The following TSHZ2 variants were observed in gnomAD, a reference collection of about 807,000 sequenced individuals.
The protein encoded by TSHZ2 is teashirt homolog 2.
A neutral mutation model predicts 74.4 loss-of-function variants in TSHZ2; 21 were observed. That is an observed-to-expected ratio of 0.28 (90% CI 0.20 to 0.41). TSHZ2 has a LOEUF of 0.41. Ranked by LOEUF, TSHZ2 falls within the 10% of genes least tolerant of loss-of-function variation. The probability of loss-of-function intolerance (pLI) is 1.00; values close to 1 mark genes in which losing one functional copy is unlikely to be tolerated. For missense variants in TSHZ2, 1,244 were observed against 1,293.5 expected (o/e 0.96, Z 0.59); for synonymous variants, 540 against 515.3 (o/e 1.05, Z -0.65).
intron 2 of TSHZ2, among the ~76,000 whole-genome samples, chr20:53,469,661 G>C (rs1414805980): frequency 1.6e-4 from 9 of 57,136 alleles, no homozygotes; most frequent in South Asian, 5.4e-4. Context: ...AGGAAGGAAG[G>C]AAGGAAGGAA....
chr20:53,250,849 AAAG>A (rs980188512), intron 1 of TSHZ2, among the ~76,000 whole-genome samples: 12 of 151,986 alleles, frequency 7.9e-5, no homozygotes, highest in Non-Finnish European at 2.9e-5. Context: ...AAAAAAAAAA[AAAG>A]AACACTTCTT....
Position 53,071,852 on chromosome 20 carries a change from T to C in TSHZ2, c.40+98519T>C, listed in dbSNP as rs575020635. ...ATAAAAATCTCTTTTGCTTGTTTTA[T>C]TGGAGACACTGAGGGCTTTGGATTG... On this transcript the variant is annotated intron_variant, in intron 1 of 2. Coordinates refer to ENST00000371497, the MANE Select transcript of TSHZ2 (RefSeq NM_173485.6). Among the ~76,000 whole-genome samples the C allele has an allele frequency of 3.3e-5, 5 of 152,352 alleles. No individual in the cohort carries two copies. The East Asian group carries it at 7.7e-4, about 23-fold the overall frequency.
At chr20:53,224,868 AAAG>A (rs1167204072) in intron 1 of TSHZ2, among the ~76,000 whole-genome samples, 1 of 152,046 alleles carries the variant, frequency 6.6e-6, no homozygotes, top group Admixed American at 6.6e-5. Flanking sequence ...AAAAAAAAAA[AAAG>A]AACTTAATAA....
At chr20:53,418,665 G>A (rs555898697) in intron 2 of TSHZ2, among the ~76,000 whole-genome samples, 13 of 152,122 alleles carry the variant, frequency 8.5e-5, no homozygotes, top group Non-Finnish European at 1.6e-4. Flanking sequence ...ACAACATGTA[G>A]GAATTCAAGA....
chr20:53,028,330 C>G (rs1432703894), intron 1 of TSHZ2, among the ~76,000 whole-genome samples: 1 of 152,242 alleles, frequency 6.6e-6, no homozygotes, highest in Non-Finnish European at 1.5e-5. Flanking sequence ...CTCCTTCAAG[C>G]ATCACATCCC....
At chr20:53,033,567 G>C (rs6022234) in intron 1 of TSHZ2, among the ~76,000 whole-genome samples, 92,116 of 151,232 alleles carry the variant, frequency 0.61, 28,526 homozygotes, top group East Asian at 0.85. Context: ...TAGGTCAGTG[G>C]CTGGCACATA....
chr20:53,050,283 G>A (rs1034153161), intron 1 of TSHZ2, among the ~76,000 whole-genome samples: 24 of 150,932 alleles, frequency 1.6e-4, no homozygotes, highest in Admixed American at 2.0e-4. Flanking sequence ...TCTTACTACC[G>A]CTGCCGATTT....
intron 1 of TSHZ2, among the ~76,000 whole-genome samples, chr20:53,211,247 A>T (rs1036275822): frequency 6.6e-6 from 1 of 152,216 alleles, no homozygotes; most frequent in Non-Finnish European, 1.5e-5. Context: ...GTCACTAAAC[A>T]GTTTCCCAAG....
chr20:53,048,761 T>TCC (rs1405350687), intron 1 of TSHZ2, among the ~76,000 whole-genome samples: 1 of 152,188 alleles, frequency 6.6e-6, no homozygotes, highest in Non-Finnish European at 1.5e-5. Flanking sequence ...TTTTCTTTTT[T>TCC]CCCCTTTTGT....
intron 1 of TSHZ2, among the ~76,000 whole-genome samples, chr20:53,011,709 C>CT (rs1171972876): frequency 6.6e-6 from 1 of 152,064 alleles, no homozygotes; most frequent in Non-Finnish European, 1.5e-5. Flanking sequence ...CCATATATTG[C>CT]TTTTATATAA....
intron 1 of TSHZ2, among the ~76,000 whole-genome samples, chr20:52,975,700 C>T (rs1196715074): frequency 2.0e-5 from 3 of 152,050 alleles, no homozygotes; most frequent in Non-Finnish European, 4.4e-5. Context: ...GCCCTCTTAC[C>T]TTATTTATTT....
intron 1 of TSHZ2, among the ~76,000 whole-genome samples, chr20:52,993,706 C>A (rs536344149): frequency 2.0e-5 from 3 of 152,292 alleles, no homozygotes; most frequent in Non-Finnish European, 2.9e-5. Context: ...AAACTTATAA[C>A]CTTCCTTATT....
chr20:53,199,228 T>C (rs1988942643), intron 1 of TSHZ2, among the ~76,000 whole-genome samples: 1 of 152,232 alleles, frequency 6.6e-6, no homozygotes, highest in African/African-American at 2.4e-5. Flanking sequence ...CTGGGAGCAG[T>C]GGCTTGTTCC....
chr20:53,048,810 C>G (rs1457507282), intron 1 of TSHZ2, among the ~76,000 whole-genome samples: 1 of 152,184 alleles, frequency 6.6e-6, no homozygotes, highest in Non-Finnish European at 1.5e-5. Flanking sequence ...TAGCTGCTCA[C>G]TACACACCTC....
intron 1 of TSHZ2, among the ~76,000 whole-genome samples, chr20:53,204,989 G>A (rs562123800): frequency 6.6e-6 from 1 of 151,990 alleles, no homozygotes; most frequent in East Asian, 1.9e-4. Context: ...TACTCAGGAG[G>A]CTGAGGCAGG....
chr20:53,212,385 C>A (rs1989332583), intron 1 of TSHZ2, among the ~76,000 whole-genome samples: 1 of 152,152 alleles, frequency 6.6e-6, no homozygotes, highest in African/African-American at 2.4e-5. Context: ...TAATGAAAAG[C>A]TGTAGCAAAT....
intron 2 of TSHZ2, among the ~76,000 whole-genome samples, chr20:53,286,305 C>A (rs903507781): frequency 1.3e-5 from 2 of 152,150 alleles, no homozygotes; most frequent in Non-Finnish European, 2.9e-5. Flanking sequence ...TGAGGCAACA[C>A]AAGACTTTAC....
In TSHZ2 at chr20:53,321,222, T is replaced by A. The variant is rs570851422; in HGVS notation, c.*8+64651T>A. ...TCATAGTAATTCATCTTTCTTCTTTTGTGTGTCCATCTTTAGCAAAATTAA... is the reference window on the plus strand; with the variant it reads ...TCATAGTAATTCATCTTTCTTCTTTAGTGTGTCCATCTTTAGCAAAATTAA... On this transcript the variant is annotated intron_variant, in intron 2 of 2. Transcript: ENST00000371497. Among the ~76,000 whole-genome samples, 4 of 152,352 alleles carry A rather than the reference T, an allele frequency of 2.6e-5. No homozygotes were observed. In the East Asian group the frequency reaches 7.7e-4, roughly 29 times the overall value.
chr20:53,314,622 C>CT (rs11475290), intron 2 of TSHZ2, among the ~76,000 whole-genome samples: 1,894 of 126,638 alleles, frequency 0.015, 33 homozygotes, highest in African/African-American at 0.04. Context: ...GTAGTCCTAG[C>CT]TTTTTTTTTT....
Sources: allele counts gnomAD v4.1 joint callset (sites outside exome capture counted in the v4.1 genomes callset), GRCh38; gene constraint gnomAD v4.1.1; transcripts MANE v1.5; gene names NCBI Gene and HGNC (gene_info 2026-07-23, HGNC 2026-07-21).